Variants in GXYLT2 observed in about 807,000 individuals in gnomAD.
GXYLT2 encodes glucoside xylosyltransferase 2.
A neutral mutation model predicts 45.8 loss-of-function variants in GXYLT2; 53 were observed. That is an observed-to-expected ratio of 1.16 (90% CI 0.93 to 1.46). The LOEUF is 1.46. Among genes scored for constraint, GXYLT2 ranks in the 40% most tolerant of loss-of-function variants. The probability of loss-of-function intolerance (pLI) is 0.00; values close to 1 mark genes in which losing one functional copy is unlikely to be tolerated. For synonymous variants in GXYLT2, 219 were observed against 214.2 expected, an observed-to-expected ratio of 1.02 and a Z score of -0.19; for missense variants, 551 against 544.4, an observed-to-expected ratio of 1.01 and a Z score of -0.12.
chr3:72,941,497 G>C (rs1055011229), intron 3 of GXYLT2, among the ~76,000 whole-genome samples: 4 of 152,138 alleles, frequency 2.6e-5, no homozygotes, highest in African/African-American at 9.7e-5. Flanking sequence ...ATTACCCTCT[G>C]CCATACTGTT....
intron 6 of GXYLT2, among the ~76,000 whole-genome samples, chr3:72,968,039 T>A (rs1710900716): frequency 6.6e-6 from 1 of 152,160 alleles, no homozygotes; most frequent in Non-Finnish European, 1.5e-5. Flanking sequence ...AGTGGTGGGA[T>A]CTTGGCTTAC....
intron 2 of GXYLT2, among the ~76,000 whole-genome samples, chr3:72,908,863 A>G (rs768780478): frequency 1.8e-4 from 28 of 151,920 alleles, no homozygotes; most frequent in Non-Finnish European, 3.1e-4. Flanking sequence ...TTAGCCTCCC[A>G]AGTAGCTGGG....
At chr3:72,968,126 G>A (rs529646909) in intron 6 of GXYLT2, among the ~76,000 whole-genome samples, 7 of 152,078 alleles carry the variant, frequency 4.6e-5, no homozygotes, top group East Asian at 1.9e-4. Flanking sequence ...GACACGCGCC[G>A]CCATGCCTGG....
chr3:72,945,253 A>C (rs1710381792), intron 3 of GXYLT2, among the ~76,000 whole-genome samples: 1 of 152,044 alleles, frequency 6.6e-6, no homozygotes, highest in Admixed American at 6.6e-5. Flanking sequence ...GCGCCACTGC[A>C]CTCCAGCCTG....
intron 1 of GXYLT2, among the ~76,000 whole-genome samples, chr3:72,900,227 GA>G (rs1709378040): frequency 6.6e-6 from 1 of 152,150 alleles, no homozygotes; most frequent in Non-Finnish European, 1.5e-5. Flanking sequence ...TCGCACGTTT[GA>G]GACTTTTAAG....
chr3:72,927,598 T>C (rs1439492054), intron 3 of GXYLT2, among the ~76,000 whole-genome samples: 3 of 152,198 alleles, frequency 2.0e-5, no homozygotes, highest in African/African-American at 4.8e-5. Flanking sequence ...GCAATTAACA[T>C]TGAGACATCC....
At chr3:72,918,843 A>G (rs1448335357) in intron 2 of GXYLT2, among the ~76,000 whole-genome samples, 1 of 151,980 alleles carries the variant, frequency 6.6e-6, no homozygotes, top group African/African-American at 2.4e-5. Flanking sequence ...GAAAAAAAAA[A>G]TTAAGATACA....
chr3:72,888,484 C>T lies in GXYLT2; in HGVS notation c.251C>T (p.Ala84Val). 1 of 1,252,904 alleles carries T rather than the reference C, an allele frequency of 8.0e-7. No individual in the cohort carries two copies. Among genetic ancestry groups the T allele is most frequent in the East Asian group, 3.5e-5 (1 of 28,622 alleles). The allele number at this position is 1,252,904 out of a possible 1,614,324, so 77.6% of individuals were successfully genotyped here. Reference sequence around the variant, plus strand: ...CGCCCCCGAGCGGGCCGCCGGGGCGCTGCGAGACTGGAGAAGTTGGCGAGG... The same window carrying T: ...CGCCCCCGAGCGGGCCGCCGGGGCGTTGCGAGACTGGAGAAGTTGGCGAGG... ...RPRPRAGRRG[A>V]ARLEKLARRP... Residue 84 changes from alanine (A) to valine (V), a missense_variant, in exon 1 of 7, where the codon GCT becomes GTT. Physicochemically the swap from Ala to Val is moderately conservative, Grantham distance 64. Coordinates refer to ENST00000389617, the MANE Select transcript of GXYLT2 (RefSeq NM_001080393.2).
chr3:72,936,158 GCA>G (rs1710171999), intron 3 of GXYLT2, among the ~76,000 whole-genome samples: 1 of 152,142 alleles, frequency 6.6e-6, no homozygotes, highest in African/African-American at 2.4e-5. Flanking sequence ...AGGTGTGGTG[GCA>G]CGCGCCTGTA....
intron 1 of GXYLT2, among the ~76,000 whole-genome samples, chr3:72,901,501 A>G (rs1456023175): frequency 2.1e-5 from 3 of 145,036 alleles, no homozygotes; most frequent in African/African-American, 5.1e-5. Flanking sequence ...CATCGTTTTT[A>G]GTTTATTCAA....
intron 1 of GXYLT2, among the ~76,000 whole-genome samples, chr3:72,905,554 A>G (rs534551643): frequency 4.6e-5 from 7 of 152,186 alleles, no homozygotes; most frequent in South Asian, 4.1e-4. Context: ...TTTATTTCCT[A>G]TTTTTCATTT....
At chr3:72,952,406 A>G (rs936926748) in intron 3 of GXYLT2, among the ~76,000 whole-genome samples, 2 of 152,188 alleles carry the variant, frequency 1.3e-5, no homozygotes, top group Admixed American at 6.5e-5. Flanking sequence ...GAAGAACAAA[A>G]GATAAATCCT....
At chr3:72,968,833 TGGC>T (rs1225582445) in intron 6 of GXYLT2, among the ~76,000 whole-genome samples, 1 of 152,006 alleles carries the variant, frequency 6.6e-6, no homozygotes, top group Admixed American at 6.6e-5. Context: ...AGGGCAAGGT[TGGC>T]GGATCACGAG....
At chr3:72,904,307 G>A (rs939833822) in intron 1 of GXYLT2, among the ~76,000 whole-genome samples, 5 of 152,230 alleles carry the variant, frequency 3.3e-5, no homozygotes, top group African/African-American at 9.6e-5. Flanking sequence ...ATCAGTAGGA[G>A]CTGGTGAAAG....
chr3:72,967,747 G>C (rs1268500958), intron 6 of GXYLT2, 28 bp downstream of exon 6: 1 of 1,601,266 alleles, frequency 6.2e-7, no homozygotes, highest in Admixed American at 1.7e-5. Context: ...GCTGTTAGCA[G>C]ATGTGCTTAT....
chr3:72,944,263 C>CT (rs57166772), intron 3 of GXYLT2, among the ~76,000 whole-genome samples: 113,397 of 141,170 alleles, frequency 0.8, 45,530 homozygotes, highest in East Asian at 0.93. Flanking sequence ...CTTTTTTTTT[C>CT]TTTTTTTTTT....
At chr3:72,930,589 C>CT in intron 3 of GXYLT2, among the ~76,000 whole-genome samples, 1 of 97,450 alleles carries the variant, frequency 1.0e-5, no homozygotes, top group Non-Finnish European at 2.1e-5. Context: ...TTTTCTTCTT[C>CT]TTCTTTTTTT....
chr3:72,903,740 G>T (rs1709450196), intron 1 of GXYLT2, among the ~76,000 whole-genome samples: 3 of 152,162 alleles, frequency 2.0e-5, no homozygotes, highest in Admixed American at 1.3e-4. Context: ...GGAGGGAATG[G>T]GTTCAGTGGG....
At chr3:72,927,835 A>G (rs1161879237) in intron 3 of GXYLT2, among the ~76,000 whole-genome samples, 2 of 152,186 alleles carry the variant, frequency 1.3e-5, no homozygotes. Flanking sequence ...AGTACTTATC[A>G]TTTACTCATA....
Sources: allele counts gnomAD v4.1 joint callset (sites outside exome capture counted in the v4.1 genomes callset), GRCh38; gene constraint gnomAD v4.1.1; transcripts MANE v1.5; gene names NCBI Gene and HGNC (gene_info 2026-07-23, HGNC 2026-07-21).